The following RB1CC1 variants were observed in gnomAD, a reference collection of about 807,000 sequenced individuals.
RB1CC1 encodes RB1 inducible coiled-coil 1, also known as RB1-inducible coiled-coil protein 1.
In RB1CC1, 46 loss-of-function variants were observed where a neutral mutation model predicts 177.5. The observed-to-expected ratio is 0.26, with a 90% CI of 0.20 to 0.33. The LOEUF (loss-of-function observed/expected upper bound fraction) is 0.33, where lower values mean the gene tolerates loss of function less well. Among genes scored for constraint, RB1CC1 ranks in the 10% least tolerant of loss-of-function variants. The pLI, the probability that RB1CC1 is intolerant of heterozygous loss-of-function variation, is 1.00. For missense variants in RB1CC1, 1,703 were observed against 1,816.3 expected (o/e 0.94, Z 1.13); for synonymous variants, 666 against 613.6 (o/e 1.09, Z -1.26).
At chr8:52,625,146 C>A (rs1184292160) in intron 22 of RB1CC1, among the ~76,000 whole-genome samples, 1 of 152,062 alleles carries the variant, frequency 6.6e-6, no homozygotes, top group East Asian at 1.9e-4. Context: ...TAAAGATGAC[C>A]TTTCCCATTT....
At chr8:52,672,293 A>G (rs960202750) in intron 7 of RB1CC1, among the ~76,000 whole-genome samples, 7 of 152,172 alleles carry the variant, frequency 4.6e-5, no homozygotes, top group Non-Finnish European at 1.0e-4. Flanking sequence ...ACTTTTCATT[A>G]AGTCAGAGAA....
rs763369865 is a variant in RB1CC1, at chr8:52,656,788, A to G, written c.3041T>C (p.Leu1014Ser). 1.2e-6 allele frequency: 2 copies of G among 1,613,870 alleles called. No individual in the cohort carries two copies. Among genetic ancestry groups the G allele is most frequent in the East Asian group, 2.2e-5 (1 of 44,860 alleles). Residue 1014 changes from leucine to serine, a missense_variant, in exon 15 of 24, where the codon TTG becomes TCG. Around this residue, in one of 6 missense-constraint regions of RB1CC1, gnomAD observed 1,169 missense variants for 1,184.7 expected, o/e 0.99. Transcript: ENST00000025008. ...EKVMTDHRVS[L>S]EELKKENQQI... ...TTGGTTTTCCTTTTTTAATTCCTCCAAAGAAACTCTGTGGTCTGTCATAAC... is the reference window on the plus strand; with the variant it reads ...TTGGTTTTCCTTTTTTAATTCCTCCGAAGAAACTCTGTGGTCTGTCATAAC...
intron 18 of RB1CC1, among the ~76,000 whole-genome samples, chr8:52,639,849 T>C (rs1849427320): frequency 1.3e-5 from 2 of 152,282 alleles, no homozygotes; most frequent in South Asian, 4.1e-4. Context: ...CCACAAGGCA[T>C]TTGATAAGCT....
chr8:52,687,176 A>C (rs188851927), intron 1 of RB1CC1, among the ~76,000 whole-genome samples: 43 of 152,246 alleles, frequency 2.8e-4, no homozygotes, highest in African/African-American at 8.4e-4. Flanking sequence ...AAATTCCTCA[A>C]AACGGCCATT....
chr8:52,708,704 A>T (rs1856804981), intron 1 of RB1CC1, among the ~76,000 whole-genome samples: 1 of 152,186 alleles, frequency 6.6e-6, no homozygotes, highest in Non-Finnish European at 1.5e-5. Context: ...ATCTCTCATT[A>T]TGAGGACATC....
chr8:52,688,614 C>A (rs1427973212), intron 1 of RB1CC1, among the ~76,000 whole-genome samples: 1 of 152,144 alleles, frequency 6.6e-6, no homozygotes, highest in Admixed American at 6.5e-5. Flanking sequence ...ATCAGTAGTT[C>A]TGCTTTTGTC....
Position 52,636,087 on chromosome 8 carries a change from T to C in RB1CC1, c.4338-18A>G, listed in dbSNP as rs1849121730. On this transcript the variant is annotated intron_variant, in intron 18 of 23. Coordinates refer to ENST00000025008, the MANE Select transcript of RB1CC1 (RefSeq NM_014781.5). ...TATTTTCTCTAAAAGTGAGAATAATTGAGTTTCAGTTTGAAATTCTAAACT... is the reference window on the plus strand; with the variant it reads ...TATTTTCTCTAAAAGTGAGAATAATCGAGTTTCAGTTTGAAATTCTAAACT... 1.9e-6 allele frequency: 3 copies of C among 1,596,322 alleles called. No homozygotes were observed. The highest frequency in any genetic ancestry group is 3.5e-5 in the Admixed American group (2 of 57,202).
intron 1 of RB1CC1, among the ~76,000 whole-genome samples, chr8:52,709,438 C>G (rs552747320): frequency 2.6e-5 from 4 of 152,208 alleles, no homozygotes; most frequent in East Asian, 1.9e-4. Flanking sequence ...TATTCTAATA[C>G]AGTCAAAACT....
chr8:52,624,216 G>T (rs1020341224), intron 23 of RB1CC1, among the ~76,000 whole-genome samples: 4 of 151,816 alleles, frequency 2.6e-5, no homozygotes, highest in African/African-American at 9.7e-5. Context: ...TTCGTATTTT[G>T]TACATTGAGG....
In RB1CC1 at chr8:52,658,141, T is replaced by C; in HGVS notation, c.1794-17A>G. Reference sequence around the variant, plus strand: ...AAGGGAACCCTGAAACAGAATGCAATGCAATTAGACTTCTGATTTTTTAAT... The same window carrying C: ...AAGGGAACCCTGAAACAGAATGCAACGCAATTAGACTTCTGATTTTTTAAT... On this transcript the variant is annotated splice_polypyrimidine_tract_variant and intron_variant, in intron 13 of 23. Transcript: ENST00000025008. The C allele has an allele frequency of 6.2e-7, 1 of 1,603,674 alleles. No individual in the cohort carries two copies. Among genetic ancestry groups the C allele is most frequent in the Non-Finnish European group, 8.5e-7 (1 of 1,176,940 alleles).
rs756595819 is a variant in RB1CC1, at chr8:52,657,592, G to A, written c.2237C>T (p.Ser746Leu). ...VNEFVIEENL[S>L]SPNPISDPQS... is the part of the protein sequence containing the mutation. The stretch of plus-strand genomic sequence containing the variant: ...TGGATCACTTATAGGATTAGGAGAC[G>A]ACAAATTTTCTTCTATTACAAACTC... Residue 746 changes from serine to leucine, a missense_variant, in exon 15 of 24, where the codon TCG (serine) becomes TTG (leucine). By Grantham distance (145) the Ser-to-Leu change is moderately radical. This residue lies in a region of RB1CC1 where 1,169 missense variants were observed against 1,184.7 expected (regional missense o/e 0.99). Coordinates refer to ENST00000025008, the MANE Select transcript of RB1CC1 (RefSeq NM_014781.5). The A allele has an allele frequency of 8.1e-6, 13 of 1,613,888 alleles. No individual in the cohort carries two copies. The highest frequency in any genetic ancestry group is 3.3e-5 in the Admixed American group (2 of 59,994).
In RB1CC1 at chr8:52,636,151, C is replaced by G; in HGVS notation, c.4338-82G>C. ...GATTTTAGAAATTAAAATATTAATA[C>G]AGATCACTTTAACAATTTAAGGGTT... On this transcript the variant is annotated intron_variant, in intron 18 of 23. Transcript: ENST00000025008. 3 of 1,400,542 alleles carry G rather than the reference C, an allele frequency of 2.1e-6. No individual in the cohort carries two copies. The African/African-American group carries it at 4.4e-5, about 20-fold the overall frequency. 86.8% of individuals were successfully genotyped at this position (1,400,542 alleles called of 1,614,324 possible).
intron 1 of RB1CC1, among the ~76,000 whole-genome samples, chr8:52,713,852 C>T (rs954162102): frequency 6.6e-6 from 1 of 152,198 alleles, no homozygotes; most frequent in African/African-American, 2.4e-5. Context: ...CGACTCGAAC[C>T]GCTTTTGTCT....
chr8:52,712,107 GATA>G (rs1308443460), intron 1 of RB1CC1, among the ~76,000 whole-genome samples: 1 of 152,136 alleles, frequency 6.6e-6, no homozygotes, highest in African/African-American at 2.4e-5. Flanking sequence ...GTGGTAAAAA[GATA>G]ATAAAAGAAT....
Position 52,674,099 on chromosome 8 carries a change from T to C in RB1CC1, c.748A>G (p.Thr250Ala), listed in dbSNP as rs778585356. ...LVLSPDMPRT[T>A]NESLLTSFPK... The stretch of plus-strand genomic sequence containing the variant: ...AATGAGGTTAACAAAGATTCGTTAG[T>C]TGTTCTAGGCATATCAGGAGAGAGC... The change falls in exon 7 of 24, where the codon ACT (threonine) becomes GCT (alanine). Residue 250 changes from threonine to alanine, a missense_variant. Coordinates refer to ENST00000025008, the MANE Select transcript of RB1CC1 (RefSeq NM_014781.5). 6.2e-6 allele frequency: 10 copies of C among 1,614,170 alleles called. No homozygotes were observed. The South Asian group carries it at 9.9e-5, about 16-fold the overall frequency.
At position 52,630,497 on chromosome 8, in the gene RB1CC1, C is replaced by T; in HGVS notation, c.4472G>A (p.Arg1491Lys). The change falls in exon 21 of 24, where the codon AGG becomes AAG. Residue 1491 changes from arginine to lysine, a missense_variant. Physicochemically the swap from Arg to Lys is conservative, Grantham distance 26 (BLOSUM62 2). Coordinates refer to ENST00000025008, the MANE Select transcript of RB1CC1 (RefSeq NM_014781.5). ...MSQSMSSVSSRHSEKIAIRDF... is the reference protein window; with the variant it reads ...MSQSMSSVSSKHSEKIAIRDF... ...TCTAATAGCTATCTTTTCAGAATGC[C>T]TTGAAGATACTGAAGACATGCTCTG... 6.3e-7 allele frequency: 1 copy of T among 1,582,146 alleles called. No individual in the cohort carries two copies. The highest frequency in any genetic ancestry group is 2.3e-5 in the East Asian group (1 of 43,736).
chr8:52,679,585 A>T (rs1853502425), intron 5 of RB1CC1, among the ~76,000 whole-genome samples: 1 of 152,196 alleles, frequency 6.6e-6, no homozygotes, highest in South Asian at 2.1e-4. Flanking sequence ...TAAAATGTAT[A>T]AAAGCAAACT....
At chr8:52,648,571 A>C (rs1354665867) in intron 15 of RB1CC1, among the ~76,000 whole-genome samples, 1 of 152,296 alleles carries the variant, frequency 6.6e-6, no homozygotes, top group South Asian at 2.1e-4. Context: ...CAGTTAGAAA[A>C]ATACAGTAGT....
chr8:52,657,493 T>A lies in RB1CC1; in HGVS notation c.2336A>T (p.Asp779Val). The A allele has an allele frequency of 1.2e-6, 2 of 1,613,864 alleles. No homozygotes were observed. Among genetic ancestry groups the A allele is most frequent in the Non-Finnish European group, 1.7e-6 (2 of 1,180,016 alleles). The change falls in exon 15 of 24, where the codon GAT becomes GTT. Residue 779 changes from aspartate to valine, a missense_variant. Physicochemically the swap from Asp to Val is radical, Grantham distance 152. Around this residue, in one of 6 missense-constraint regions of RB1CC1, gnomAD observed 1,169 missense variants for 1,184.7 expected, o/e 0.99. Coordinates refer to ENST00000025008, the MANE Select transcript of RB1CC1 (RefSeq NM_014781.5). Reference protein sequence around the residue: ...INAIDSRRMQDTNVCGKEDFG... With the variant: ...INAIDSRRMQVTNVCGKEDFG... ...ATCCTCCTTACCACATACATTTGTA[T>A]CCTGCATTCGTCTACTGTCTATCGC...
Sources: allele counts gnomAD v4.1 joint callset (sites outside exome capture counted in the v4.1 genomes callset), GRCh38; gene constraint gnomAD v4.1.1; regional missense constraint gnomAD v4.1.1; transcripts MANE v1.5; gene names NCBI Gene and HGNC (gene_info 2026-07-23, HGNC 2026-07-21).